ZNF607: variants seen among roughly 807,000 people sequenced by gnomAD.
The protein encoded by ZNF607 is zinc finger protein 607.
Under a neutral mutation model 12.8 loss-of-function variants are expected in ZNF607, and 5 were observed. The observed-to-expected ratio is 0.39, with a 90% CI of 0.20 to 0.82. The LOEUF is 0.82. ZNF607 is among the 40% of genes least tolerant of loss of function. ZNF607 has a pLI of 0.39. For missense variants in ZNF607, 851 were observed against 859.2 expected, an observed-to-expected ratio of 0.99 and a Z score of 0.12; for synonymous variants, 287 against 276.2, an observed-to-expected ratio of 1.04 and a Z score of -0.39.
At position 37,696,637 on chromosome 19, in the gene ZNF607, A is replaced by G; in HGVS notation, c.*1403T>C. On this transcript the variant is annotated 3_prime_UTR_variant, in exon 5 of 5. Transcript: ENST00000355202. The stretch of plus-strand genomic sequence containing the variant: ...GGGGCCTCACTAGGGCAGCTGGAGG[A>G]GCACGGACTGCCCTGCCGGCAGGCA... The G allele has an allele frequency of 1.6e-6, 1 of 636,986 alleles. No homozygotes were observed. 39.5% of individuals were successfully genotyped at this position (636,986 alleles called of 1,614,324 possible).
At chr19:37,703,966 C>A (rs2045060262) in intron 4 of ZNF607, among the ~76,000 whole-genome samples, 1 of 151,986 alleles carries the variant, frequency 6.6e-6, no homozygotes, top group African/African-American at 2.4e-5. Context: ...GAAACCCTGT[C>A]TCTAATAAAA....
At chr19:37,711,127 T>C (rs1336467896) in intron 2 of ZNF607, among the ~76,000 whole-genome samples, 8 of 152,168 alleles carry the variant, frequency 5.3e-5, no homozygotes, top group African/African-American at 2.4e-5. Context: ...TCCAATCCAA[T>C]AGACTAATTC....
chr19:37,703,229 G>A (rs371209577), intron 4 of ZNF607, among the ~76,000 whole-genome samples: 8 of 150,064 alleles, frequency 5.3e-5, no homozygotes, highest in Non-Finnish European at 1.0e-4. Flanking sequence ...GATTACAGGC[G>A]TGAGCTACCA....
intron 2 of ZNF607, among the ~76,000 whole-genome samples, chr19:37,710,763 A>G (rs2045126668): frequency 6.6e-6 from 1 of 152,220 alleles, no homozygotes; most frequent in Non-Finnish European, 1.5e-5. Context: ...CTGCCTCATA[A>G]CTTCTCAATC....
intron 4 of ZNF607, among the ~76,000 whole-genome samples, chr19:37,707,710 G>T (rs764648011): frequency 4.6e-5 from 7 of 152,166 alleles, no homozygotes; most frequent in Admixed American, 3.3e-4. Flanking sequence ...AAAGCGCTGG[G>T]ATTACAAGCG....
At chr19:37,704,335 T>C (rs1210961587) in intron 4 of ZNF607, among the ~76,000 whole-genome samples, 3 of 152,168 alleles carry the variant, frequency 2.0e-5, no homozygotes, top group Non-Finnish European at 4.4e-5. Context: ...CCATGTGGAA[T>C]ATTTGCCAAG....
intron 4 of ZNF607, among the ~76,000 whole-genome samples, chr19:37,700,597 G>T (rs947240660): frequency 6.6e-6 from 1 of 152,134 alleles, no homozygotes; most frequent in Non-Finnish European, 1.5e-5. Context: ...CGGAGAAAAT[G>T]GGTACACATC....
intron 4 of ZNF607, chr19:37,706,712 A>C (rs1437788994): frequency 6.6e-6 from 1 of 151,980 alleles, no homozygotes; most frequent in Non-Finnish European, 1.5e-5. Context: ...TTTTTTTGAG[A>C]CAGGGTCCCA....
Position 37,698,823 on chromosome 19 carries a change from A to G in ZNF607, c.1308T>C (p.Leu436=). 1.9e-6 allele frequency: 3 copies of G among 1,613,550 alleles called. No individual in the cohort carries two copies. The highest frequency in any genetic ancestry group is 2.5e-6 in the Non-Finnish European group (3 of 1,179,740). ...CGKAFSQRAH[L]AHHNRIHTGY... ...CAGTATGAATTCTGTTATGATGGGC[A>G]AGGTGTGCACGCTGACTGAAGGCCT... is the stretch of plus-strand genomic sequence containing the variant. The change falls in exon 5 of 5, where the codon CTT becomes CTC. Residue 436 remains leucine, a synonymous_variant. Coordinates refer to ENST00000355202, the MANE Select transcript of ZNF607 (RefSeq NM_032689.5).
chr19:37,716,850 A>G (rs188239376), intron 1 of ZNF607, among the ~76,000 whole-genome samples: 1 of 152,372 alleles, frequency 6.6e-6, no homozygotes, highest in Admixed American at 6.5e-5. Flanking sequence ...TACATGTGTC[A>G]TTAAAAGAAA....
chr19:37,699,642 A>G lies in ZNF607; in HGVS notation c.489T>C (p.Ile163=). Residue 163 remains isoleucine, a synonymous_variant, in exon 5 of 5, where the codon ATT becomes ATC. Coordinates refer to ENST00000355202, the MANE Select transcript of ZNF607 (RefSeq NM_032689.5). The part of the protein sequence containing the change: ...HLTDLRKHQK[I]NAREKPYECE... The stretch of plus-strand genomic sequence containing the variant: ...ATTCATAAGGTTTCTCACGAGCATT[A>G]ATTTTCTGATGCTTTCTAAGGTCTG... The G allele has an allele frequency of 6.2e-7, 1 of 1,614,102 alleles. No individual in the cohort carries two copies. The highest frequency in any genetic ancestry group is 8.5e-7 in the Non-Finnish European group (1 of 1,179,972).
intron 2 of ZNF607, among the ~76,000 whole-genome samples, chr19:37,710,667 G>C (rs1032328462): frequency 1.3e-5 from 2 of 152,086 alleles, no homozygotes; most frequent in African/African-American, 4.8e-5. Flanking sequence ...CACTTCTTAG[G>C]TATCTGACCT....
chr19:37,704,826 G>A (rs933345685), intron 4 of ZNF607, among the ~76,000 whole-genome samples: 5 of 63,422 alleles, frequency 7.9e-5, no homozygotes, highest in Non-Finnish European at 1.4e-4. Context: ...GCATGGTGGC[G>A]GGCGCCTGTA....
chr19:37,702,103 T>C (rs1456998119), intron 4 of ZNF607, among the ~76,000 whole-genome samples: 4 of 151,838 alleles, frequency 2.6e-5, no homozygotes, highest in Non-Finnish European at 4.4e-5. Context: ...CTGGCCAACA[T>C]AGTGAAATCC....
chr19:37,718,689 G>A (rs1186916027), intron 1 of ZNF607, among the ~76,000 whole-genome samples: 1 of 152,176 alleles, frequency 6.6e-6, no homozygotes, highest in Non-Finnish European at 1.5e-5. Context: ...AGTTTAGCAA[G>A]ACCCTTTCGC....
chr19:37,698,990 TAA>T lies in ZNF607; in HGVS notation c.1139_1140del (p.Leu380HisfsTer8), dbSNP rs771484485. 4 of 1,613,788 alleles carry T rather than the reference TAA, an allele frequency of 2.5e-6. No homozygotes were observed. The East Asian group carries it at 8.9e-5, about 36-fold the overall frequency. On this transcript the variant is annotated frameshift_variant, in exon 5 of 5. Coordinates refer to ENST00000355202, the MANE Select transcript of ZNF607 (RefSeq NM_032689.5). LOFTEE classifies it low-confidence loss of function (END_TRUNC). ...CGKAFSVHGR[L>X]TRHQGIHSGK... is the part of the protein sequence containing the mutation. The stretch of plus-strand genomic sequence containing the variant: ...CCACTATGAATACCCTGATGTCGAG[TAA>T]GTCGTCCATGCACACTAAAGGCTTT...
chr19:37,713,773 A>T (rs189350544), intron 1 of ZNF607, among the ~76,000 whole-genome samples: 65 of 152,276 alleles, frequency 4.3e-4, no homozygotes, highest in Non-Finnish European at 8.4e-4. Flanking sequence ...TCACAGGTAC[A>T]CTTGTAAGAA....
chr19:37,698,988 A>T lies in ZNF607; in HGVS notation c.1143T>A (p.Thr381=), dbSNP rs765382115. ...GKAFSVHGRL[T]RHQGIHSGKK... is the part of the protein sequence containing the mutation. ...TACCACTATGAATACCCTGATGTCGAGTAAGTCGTCCATGCACACTAAAGG... is the reference window on the plus strand; with the variant it reads ...TACCACTATGAATACCCTGATGTCGTGTAAGTCGTCCATGCACACTAAAGG... Residue 381 remains threonine (T), a synonymous_variant, in exon 5 of 5, where the codon ACT becomes ACA. Transcript: ENST00000355202. 2 of 1,613,856 alleles carry T rather than the reference A, an allele frequency of 1.2e-6. No homozygotes were observed. The highest frequency in any genetic ancestry group is 2.7e-5 in the African/African-American group (2 of 74,932).
At position 37,699,335 on chromosome 19, in the gene ZNF607, C is replaced by G. The variant is rs776351989; in HGVS notation, c.796G>C (p.Ala266Pro). 6.2e-7 allele frequency: 1 copy of G among 1,611,794 alleles called. No individual in the cohort carries two copies. Among genetic ancestry groups the G allele is most frequent in the East Asian group, 2.2e-5 (1 of 44,656 alleles). ...NKCGKSFRLK[A>P]GLKVHQSIHT... ...ATACTCTGATGTACTTTAAGGCCTG[C>G]TTTGAGCCTAAAGGACTTCCCACAT... is the stretch of plus-strand genomic sequence containing the variant. Residue 266 changes from alanine to proline, a missense_variant, in exon 5 of 5, where the codon GCA becomes CCA. Physicochemically the swap from Ala to Pro is conservative, Grantham distance 27. Coordinates refer to ENST00000355202, the MANE Select transcript of ZNF607 (RefSeq NM_032689.5).
Sources: allele counts gnomAD v4.1 joint callset (sites outside exome capture counted in the v4.1 genomes callset), GRCh38; gene constraint gnomAD v4.1.1; transcripts MANE v1.5; gene names NCBI Gene and HGNC (gene_info 2026-07-23, HGNC 2026-07-21).